Variants in PSD2 observed in about 807,000 individuals in gnomAD.
PSD2 encodes the protein PH and SEC7 domain-containing protein 2.
In PSD2, 38 loss-of-function variants were observed where a neutral mutation model predicts 69.8. The ratio of observed to expected loss-of-function variants is 0.54; its 90% CI spans 0.42 to 0.71. PSD2 has a LOEUF of 0.71. Among genes scored for constraint, PSD2 ranks in the 30% least tolerant of loss-of-function variants. PSD2 has a pLI of 0.00. For missense variants in PSD2, 943 were observed against 1,014.5 expected, an observed-to-expected ratio of 0.93 and a Z score of 0.96; for synonymous variants, 412 against 423.0, an observed-to-expected ratio of 0.97 and a Z score of 0.32.
At chr5:139,809,341 C>T (rs1759890460) in intron 1 of PSD2, 50 bp from the exon 2 acceptor site, 2 of 1,431,196 alleles carry the variant, frequency 1.4e-6, no homozygotes, top group Non-Finnish European at 1.9e-6. Flanking sequence ...TAGGTGCCCC[C>T]CAGCCCCAGT....
At chr5:139,813,790 G>A (rs1288557275) in intron 3 of PSD2, 32 bp downstream of exon 3, 8 of 1,550,022 alleles carry the variant, frequency 5.2e-6, no homozygotes, top group Admixed American at 3.7e-5. Context: ...GAGAACCACC[G>A]AGCAGATGGG....
chr5:139,790,072 G>A, the PSD2 span, among the ~76,000 whole-genome samples: 1 of 152,062 alleles, frequency 6.6e-6, no homozygotes, highest in Non-Finnish European at 1.5e-5. Context: ...AGGAGAATGA[G>A]GTCAGAGGAG....
At chr5:139,795,588 C>A (rs1007275624), upstream of PSD2, among the ~76,000 whole-genome samples, 1 of 152,034 alleles carries the variant, frequency 6.6e-6, no homozygotes, top group African/African-American at 2.4e-5. The surrounding 1 kb of genome is among the most constrained non-coding windows in gnomAD (Gnocchi z 4.5). Flanking sequence ...CTTAAAGGGC[C>A]CGCGCGGGGC....
At chr5:139,778,573 T>C in the PSD2 span, among the ~76,000 whole-genome samples, 1 of 152,214 alleles carries the variant, frequency 6.6e-6, no homozygotes, top group African/African-American at 2.4e-5. Context: ...TAATCAATAT[T>C]GTAATGAACA....
chr5:139,756,565 T>C, the PSD2 span, among the ~76,000 whole-genome samples: 13 of 152,028 alleles, frequency 8.6e-5, no homozygotes, highest in African/African-American at 2.7e-4. Context: ...GGAGCGGACT[T>C]TAGGTGGAGA....
chr5:139,765,625 C>A, the PSD2 span, among the ~76,000 whole-genome samples: 1 of 152,246 alleles, frequency 6.6e-6, no homozygotes, highest in African/African-American at 2.4e-5. Flanking sequence ...GTGCTCGCAG[C>A]GGCCAGGAGG....
chr5:139,837,136 T>G lies in PSD2; in HGVS notation c.1595-32T>G. 1 of 1,612,312 alleles carries G rather than the reference T, an allele frequency of 6.2e-7. No individual in the cohort carries two copies. Among genetic ancestry groups the G allele is most frequent in the Non-Finnish European group, 8.5e-7 (1 of 1,178,756 alleles). On this transcript the variant is annotated intron_variant, in intron 10 of 14. Transcript: ENST00000274710. This position sits in a 1 kb window ranked among gnomAD's most constrained non-coding sequence, Gnocchi z 5.0. ...GGTTGGAGAGACTGCAGAGGGTGGC[T>G]GCAGCCACACTACCAGTGCCCTCCT...
At chr5:139,790,981 G>A (rs1180364685), upstream of PSD2, among the ~76,000 whole-genome samples, 1 of 152,128 alleles carries the variant, frequency 6.6e-6, no homozygotes, top group African/African-American at 2.4e-5. Context: ...AACCCAGGAG[G>A]TGGGGGGTGC....
intron 7 of PSD2, among the ~76,000 whole-genome samples, chr5:139,832,342 A>G (rs1222504530): frequency 1.3e-5 from 2 of 152,230 alleles, no homozygotes; most frequent in Admixed American, 6.5e-5. Flanking sequence ...AATACAAAAC[A>G]CACTTGTATC....
chr5:139,774,560 G>A, the PSD2 span, among the ~76,000 whole-genome samples: 1 of 151,996 alleles, frequency 6.6e-6, no homozygotes. Flanking sequence ...GCACGATCTC[G>A]GCTCACTGCA....
At chr5:139,751,879 A>C in the PSD2 span, among the ~76,000 whole-genome samples, 1 of 147,894 alleles carries the variant, frequency 6.8e-6, no homozygotes, top group African/African-American at 2.5e-5. Context: ...CTGCAGCCTC[A>C]ACCTTCTAGA....
the PSD2 span, among the ~76,000 whole-genome samples, chr5:139,758,722 C>T: frequency 6.6e-6 from 1 of 152,096 alleles, no homozygotes; most frequent in Non-Finnish European, 1.5e-5. Context: ...GGCTTTGTAT[C>T]CACTGTTCTC....
the PSD2 span, among the ~76,000 whole-genome samples, chr5:139,779,808 T>C: frequency 6.6e-6 from 1 of 152,350 alleles, no homozygotes; most frequent in Non-Finnish European, 1.5e-5. Context: ...GCTGGTTTCA[T>C]TCAGCATAAT....
intron 1 of PSD2, among the ~76,000 whole-genome samples, chr5:139,803,254 C>T (rs1759718079): frequency 6.6e-6 from 1 of 152,238 alleles, no homozygotes; most frequent in East Asian, 1.9e-4. Context: ...TGATTTGCCT[C>T]TACCCTCTAG....
the PSD2 span, among the ~76,000 whole-genome samples, chr5:139,779,628 A>G: frequency 2.0e-5 from 3 of 152,328 alleles, no homozygotes; most frequent in South Asian, 6.2e-4. Flanking sequence ...AAATGCATAT[A>G]TTTGTATAAG....
chr5:139,822,643 G>C, intron 6 of PSD2, 83 bp from the exon 7 acceptor site: 5 of 1,272,830 alleles, frequency 3.9e-6, no homozygotes, highest in Non-Finnish European at 5.5e-6. Context: ...TGTGTCCAAG[G>C]TCTCCTGACG....
the PSD2 span, among the ~76,000 whole-genome samples, chr5:139,787,947 C>T: frequency 6.6e-6 from 1 of 152,224 alleles, no homozygotes; most frequent in Non-Finnish European, 1.5e-5. Flanking sequence ...GGGCGGGATC[C>T]CGACGCGCAG....
chr5:139,800,602 C>T (rs767045511), intron 1 of PSD2, among the ~76,000 whole-genome samples: 5 of 152,214 alleles, frequency 3.3e-5, no homozygotes, highest in South Asian at 2.1e-4. Flanking sequence ...CCTCACCCTC[C>T]GGCCTCTCCC....
chr5:139,759,308 TC>T, the PSD2 span, among the ~76,000 whole-genome samples: 1 of 151,986 alleles, frequency 6.6e-6, no homozygotes, highest in African/African-American at 2.4e-5. Flanking sequence ...GCGCGCTCTC[TC>T]TCCACTCACA....
Sources: allele counts gnomAD v4.1 joint callset (sites outside exome capture counted in the v4.1 genomes callset), GRCh38; gene constraint gnomAD v4.1.1; non-coding constraint Gnocchi (gnomAD v3.1); transcripts MANE v1.5; gene names NCBI Gene and HGNC (gene_info 2026-07-23, HGNC 2026-07-21).